Variants in PDS5A observed in about 807,000 individuals in gnomAD.
PDS5A encodes the protein sister chromatid cohesion protein PDS5 homolog A.
A neutral mutation model predicts 167.1 loss-of-function variants in PDS5A; 42 were observed. The observed-to-expected ratio is 0.25, with a 90% CI of 0.20 to 0.33. PDS5A has a LOEUF of 0.33. PDS5A is among the 10% of genes least tolerant of loss of function. PDS5A has a pLI of 1.00. For synonymous variants in PDS5A, 553 were observed against 554.6 expected (o/e 1.00, Z 0.04); for missense variants, 1,033 against 1,605.9 (o/e 0.64, Z 6.10).
chr4:39,903,056 C>T (rs1390994379), intron 12 of PDS5A, among the ~76,000 whole-genome samples: 1 of 141,702 alleles, frequency 7.1e-6, no homozygotes, highest in Non-Finnish European at 1.6e-5. Flanking sequence ...CTAGGCTGTT[C>T]CGCCTATTCT....
At position 39,844,662 on chromosome 4, in the gene PDS5A, C is replaced by T. The variant is rs1213573036; in HGVS notation, c.3542G>A (p.Arg1181Gln). 10 of 1,603,980 alleles carry T rather than the reference C, an allele frequency of 6.2e-6. No individual in the cohort carries two copies. Among genetic ancestry groups the T allele is most frequent in the South Asian group, 1.1e-5 (1 of 88,758 alleles). Residue 1181 changes from arginine to glutamine, a missense_variant, in exon 30 of 33, where the codon CGA becomes CAA. Arg to Gln is a conservative substitution (Grantham distance 43). Around this residue, in one of 4 missense-constraint regions of PDS5A, gnomAD observed 233 missense variants for 264.0 expected, o/e 0.88. Transcript: ENST00000303538. ...NSELNPSTGN[R>Q]SREQSSEAAE... Reference sequence around the variant, plus strand: ...AATTGGAGAGAAAAGTTGCCTTGATCGATTTCCGGTTGAAGGGTTCAGCTC... The same window carrying T: ...AATTGGAGAGAAAAGTTGCCTTGATTGATTTCCGGTTGAAGGGTTCAGCTC...
Position 39,926,829 on chromosome 4 carries a change from T to C in PDS5A, c.375A>G (p.Lys125=). ...DIFLFITRQL[K]GLEDTKSPQF... ...GTGGACTCTTTGTATCCTCCAAACC[T>C]TTTAATTGTCTGGTAATAAACAAAA... is the stretch of plus-strand genomic sequence containing the variant. The change falls in exon 4 of 33, where the codon AAA becomes AAG. Residue 125 remains lysine (K), a synonymous_variant. Transcript: ENST00000303538. The C allele has an allele frequency of 1.4e-6, 2 of 1,420,946 alleles. No individual in the cohort carries two copies. Among genetic ancestry groups the C allele is most frequent in the Non-Finnish European group, 1.9e-6 (2 of 1,078,128 alleles). 88.0% of individuals were successfully genotyped at this position (1,420,946 alleles called of 1,614,324 possible).
intron 8 of PDS5A, among the ~76,000 whole-genome samples, chr4:39,915,991 T>G (rs533855506): frequency 6.6e-6 from 1 of 152,178 alleles, no homozygotes; most frequent in Admixed American, 6.5e-5. Context: ...TCTCAGTAAT[T>G]TGAGGCCAAG....
At chr4:39,864,468 T>C (rs1418544999) in intron 23 of PDS5A, among the ~76,000 whole-genome samples, 1 of 152,182 alleles carries the variant, frequency 6.6e-6, no homozygotes, top group African/African-American at 2.4e-5. Flanking sequence ...ACTTACGTGG[T>C]AAAATGTGGT....
At chr4:39,963,850 G>A (rs1729726560) in intron 2 of PDS5A, among the ~76,000 whole-genome samples, 1 of 151,850 alleles carries the variant, frequency 6.6e-6, no homozygotes, top group African/African-American at 2.4e-5. Flanking sequence ...AGCGGGGGTG[G>A]GGGAGAGGGA....
chr4:39,855,261 A>G (rs1420648367), intron 26 of PDS5A, among the ~76,000 whole-genome samples: 1 of 152,214 alleles, frequency 6.6e-6, no homozygotes, highest in Non-Finnish European at 1.5e-5. Flanking sequence ...TAACAGAACT[A>G]TAACTTCAAG....
intron 31 of PDS5A, among the ~76,000 whole-genome samples, chr4:39,839,911 T>G (rs1429687414): frequency 6.6e-6 from 1 of 151,722 alleles, no homozygotes; most frequent in African/African-American, 2.4e-5. Context: ...CTGGCCAACA[T>G]GGTGAAACCC....
In PDS5A at chr4:39,945,458, C is replaced by CAAAAAAAAAAAAA. The variant is rs1210256217; in HGVS notation, c.139-17307_139-17295dup. Reference sequence around the variant, plus strand: ...CCTGGGCGACAGAGCGAGACTGCCTCAAAAAAAAAAAAAAAAAAAAAAATT... The same window carrying CAAAAAAAAAAAAA: ...CCTGGGCGACAGAGCGAGACTGCCTCAAAAAAAAAAAAAAAAAAAAAAAAAAAAAAAAAAAATT... On this transcript the variant is annotated intron_variant, in intron 2 of 32. Coordinates refer to ENST00000303538, the MANE Select transcript of PDS5A (RefSeq NM_001100399.2). Among the ~76,000 whole-genome samples, 598 of 66,732 alleles carry CAAAAAAAAAAAAA rather than the reference C, an allele frequency of 9.0e-3. 6 individuals are homozygous for CAAAAAAAAAAAAA. The highest frequency in any genetic ancestry group is 0.02 in the East Asian group (50 of 2,546). The allele number at this position is 66,732 out of a possible 152,430, so 43.8% of individuals were successfully genotyped here. A position where few individuals can be genotyped will look rare whatever the true frequency, so the allele number is the denominator to read the frequency against.
chr4:39,853,765 T>C (rs1322675072), intron 26 of PDS5A, among the ~76,000 whole-genome samples: 1 of 152,218 alleles, frequency 6.6e-6, no homozygotes, highest in Non-Finnish European at 1.5e-5. Context: ...CCCCAATTCA[T>C]AGCCAATTTT....
At chr4:39,884,850 T>C (rs993171453) in intron 17 of PDS5A, among the ~76,000 whole-genome samples, 1 of 152,218 alleles carries the variant, frequency 6.6e-6, no homozygotes, top group Non-Finnish European at 1.5e-5. Flanking sequence ...TTCATTTTCA[T>C]CTACTTCCTA....
At chr4:39,930,284 G>C (rs1220270996) in intron 2 of PDS5A, among the ~76,000 whole-genome samples, 2 of 133,524 alleles carry the variant, frequency 1.5e-5, no homozygotes, top group Admixed American at 7.7e-5. Flanking sequence ...TAAGAGACAG[G>C]GTTTTGCCAT....
intron 9 of PDS5A, 107 bp downstream of exon 9, chr4:39,913,504 C>A: frequency 1.6e-6 from 1 of 624,462 alleles, no homozygotes; most frequent in Non-Finnish European, 2.9e-6. Flanking sequence ...GACAATGAAA[C>A]CAACATCTAT....
chr4:39,893,275 T>C (rs573241618), intron 16 of PDS5A, among the ~76,000 whole-genome samples: 2 of 152,154 alleles, frequency 1.3e-5, no homozygotes, highest in South Asian at 2.1e-4. Context: ...GGAAAGTAAA[T>C]CTATATATCA....
intron 2 of PDS5A, among the ~76,000 whole-genome samples, chr4:39,939,982 G>A (rs1578786278): frequency 6.6e-6 from 1 of 152,048 alleles, no homozygotes; most frequent in East Asian, 1.9e-4. Context: ...AACTGGCCAG[G>A]AGCAGAGTCT....
At chr4:39,894,674 A>T (rs2109632113) in intron 16 of PDS5A, among the ~76,000 whole-genome samples, 1 of 152,314 alleles carries the variant, frequency 6.6e-6, no homozygotes, top group Non-Finnish European at 1.5e-5. Context: ...ATCCTTTATA[A>T]GTTATTTTAA....
chr4:39,923,114 A>C lies in PDS5A; in HGVS notation c.528-366T>G, dbSNP rs373041553. On this transcript the variant is annotated intron_variant, in intron 5 of 32. Transcript: ENST00000303538. Reference sequence around the variant, plus strand: ...GAGGCTGAGGCAGGTGGATCACCTGACATCAGGAGTTCAAGACCAGCCTGG... The same window carrying C: ...GAGGCTGAGGCAGGTGGATCACCTGCCATCAGGAGTTCAAGACCAGCCTGG... Among the ~76,000 whole-genome samples the C allele has an allele frequency of 4.7e-4, 72 of 152,216 alleles. No homozygotes were observed. In the South Asian group the frequency reaches 0.014, roughly 30 times the overall value.
At chr4:39,929,554 T>TATATATATATATCC (rs1359707022) in intron 2 of PDS5A, among the ~76,000 whole-genome samples, 4 of 128,460 alleles carry the variant, frequency 3.1e-5, no homozygotes, top group African/African-American at 1.2e-4. Context: ...TATATATATA[T>TATATATATATATCC]ATCCCATTAA....
chr4:39,834,628 AACTC>A (rs1226847109), intron 32 of PDS5A, among the ~76,000 whole-genome samples: 1 of 152,178 alleles, frequency 6.6e-6, no homozygotes, highest in Non-Finnish European at 1.5e-5. Context: ...GAAATGGTTA[AACTC>A]ACAGGACCCT....
At position 39,970,028 on chromosome 4, in the gene PDS5A, G is replaced by A. The variant is rs376934025; in HGVS notation, c.138+6412C>T. On this transcript the variant is annotated intron_variant, in intron 2 of 32. Transcript: ENST00000303538. Reference sequence around the variant, plus strand: ...GGCTGGAATGCAGTGATGTGATCTCGGCTCCAAGAAAAAGGGTTTCACTAT... The same window carrying A: ...GGCTGGAATGCAGTGATGTGATCTCAGCTCCAAGAAAAAGGGTTTCACTAT... Among the ~76,000 whole-genome samples, 89 of 150,324 alleles carry A rather than the reference G, an allele frequency of 5.9e-4. 2 individuals carry two copies. The East Asian group carries it at 1.0e-2, about 17-fold the overall frequency.
Sources: allele counts gnomAD v4.1 joint callset (sites outside exome capture counted in the v4.1 genomes callset), GRCh38; gene constraint gnomAD v4.1.1; regional missense constraint gnomAD v4.1.1; transcripts MANE v1.5; gene names NCBI Gene and HGNC (gene_info 2026-07-23, HGNC 2026-07-21).